The following ZNF701 variants were observed in gnomAD, a reference collection of about 807,000 sequenced individuals.
The protein encoded by ZNF701 is zinc finger protein 701.
A neutral mutation model predicts 7.1 loss-of-function variants in ZNF701; 6 were observed. That is an observed-to-expected ratio of 0.84 (90% confidence interval 0.46 to 1.66). ZNF701 has a LOEUF of 1.66. ZNF701 is among the 40% of genes most tolerant of loss of function. The pLI is 0.01. For missense variants in ZNF701, 541 were observed against 559.2 expected, an observed-to-expected ratio of 0.97 and a Z score of 0.33; for synonymous variants, 166 against 188.2, an observed-to-expected ratio of 0.88 and a Z score of 0.97.
At position 52,579,594 on chromosome 19, in the gene ZNF701, C is replaced by T. The variant is rs1309080140; in HGVS notation, c.143-2608C>T. Among the ~76,000 whole-genome samples the T allele has an allele frequency of 5.7e-5, 8 of 140,818 alleles. 1 individual carries two copies. Among genetic ancestry groups the T allele is most frequent in the Non-Finnish European group, 1.0e-4 (7 of 67,518 alleles). The allele number at this position is 140,818 out of a possible 152,430, so 92.4% of individuals were successfully genotyped here. A position where few individuals can be genotyped will look rare whatever the true frequency, so the allele number is the denominator to read the frequency against. ...GAAACCTAAAATTTTCATAACCTGG[C>T]CAGGTGTAGTGGCTCATGCCTATAA... On this transcript the variant is annotated intron_variant, in intron 3 of 3. Transcript: ENST00000391785.
At chr19:52,593,546 C>A in the ZNF701 span, among the ~76,000 whole-genome samples, 4 of 112,872 alleles carry the variant, frequency 3.5e-5, 2 homozygotes, top group Non-Finnish European at 7.7e-5. Flanking sequence ...CTGACCCCCC[C>A]ACCTCCCTCC....
intron 1 of ZNF701, chr19:52,570,680 G>C (rs137916842): frequency 6.6e-6 from 1 of 152,330 alleles, no homozygotes; most frequent in East Asian, 1.9e-4. Context: ...ACCTTTAGGC[G>C]CCTGAAGCGC....
chr19:52,586,151 C>G lies in ZNF701; in HGVS notation c.*2694C>G, dbSNP rs1425432573. ...CAACCTCCTGGGCTCAAGGGATCCTCCCACCTCAGCCTGCAGAGTAGCTGG... is the reference window on the plus strand; with the variant it reads ...CAACCTCCTGGGCTCAAGGGATCCTGCCACCTCAGCCTGCAGAGTAGCTGG... On this transcript the variant is annotated 3_prime_UTR_variant, in exon 4 of 4. Coordinates refer to ENST00000391785, the MANE Select transcript of ZNF701 (RefSeq NM_018260.3). 1 of 152,304 alleles carries G rather than the reference C, an allele frequency of 6.6e-6. No homozygotes were observed. The highest frequency in any genetic ancestry group is 2.1e-4 in the South Asian group (1 of 4,812). 9.4% of individuals were successfully genotyped at this position (152,304 alleles called of 1,614,324 possible). A position where few individuals can be genotyped will look rare whatever the true frequency, so the allele number is the denominator to read the frequency against.
intron 1 of ZNF701, chr19:52,570,982 A>C (rs1352905225): frequency 6.6e-6 from 1 of 152,470 alleles, no homozygotes. Context: ...GTGTGGGCTA[A>C]AGAGATCAGG....
At position 52,585,266 on chromosome 19, in the gene ZNF701, C is replaced by T. The variant is rs1011970568; in HGVS notation, c.*1809C>T. 6.8e-6 allele frequency: 1 copy of T among 147,112 alleles called. No homozygotes were observed. The highest frequency in any genetic ancestry group is 2.7e-5 in the African/African-American group (1 of 37,396). The allele number at this position is 147,112 out of a possible 1,614,324, so 9.1% of individuals were successfully genotyped here. On this transcript the variant is annotated 3_prime_UTR_variant, in exon 4 of 4. Transcript: ENST00000391785. The stretch of plus-strand genomic sequence containing the variant: ...TCCTCACCAGCGAGTTGGACTCTCG[C>T]CCTGGGCTCCTCATCGGCGCCTGGA...
rs1386731611 is a variant in ZNF701, at chr19:52,583,957, C to T, written c.*500C>T. ...GATCTTATACAGGAGAGAAATCTTA[C>T]AAATGTGATGATTGTGGCAAGGTCT... is the stretch of plus-strand genomic sequence containing the variant. On this transcript the variant is annotated 3_prime_UTR_variant, in exon 4 of 4. Coordinates refer to ENST00000391785, the MANE Select transcript of ZNF701 (RefSeq NM_018260.3). 7.4e-6 allele frequency: 3 copies of T among 405,510 alleles called. No individual in the cohort carries two copies. Among genetic ancestry groups the T allele is most frequent in the African/African-American group, 2.1e-5 (1 of 48,258 alleles). The allele number at this position is 405,510 out of a possible 1,614,324, so 25.1% of individuals were successfully genotyped here.
At position 52,583,061 on chromosome 19, in the gene ZNF701, T is replaced by A. The variant is rs2059987171; in HGVS notation, c.1002T>A (p.Val334=). ...KPYKCEECDK[V]FSRKSHLERH... ...ACAAATGTGAAGAATGTGACAAAGTTTTCAGTCGCAAATCACACCTTGAAA... is the reference window on the plus strand; with the variant it reads ...ACAAATGTGAAGAATGTGACAAAGTATTCAGTCGCAAATCACACCTTGAAA... The change falls in exon 4 of 4, where the codon GTT becomes GTA. Residue 334 remains valine (V), a synonymous_variant. Transcript: ENST00000391785. 6.2e-7 allele frequency: 1 copy of A among 1,613,536 alleles called. No homozygotes were observed.
At chr19:52,592,621 A>G in the ZNF701 span, among the ~76,000 whole-genome samples, 1 of 152,210 alleles carries the variant, frequency 6.6e-6, no homozygotes, top group Non-Finnish European at 1.5e-5. Context: ...TTTATGAGAC[A>G]GAGTGTTGAA....
intron 3 of ZNF701, among the ~76,000 whole-genome samples, chr19:52,577,009 G>A (rs1024501452): frequency 6.6e-6 from 1 of 152,134 alleles, no homozygotes; most frequent in African/African-American, 2.4e-5. Flanking sequence ...TCTGCAAGTG[G>A]GAGAATTCTG....
At chr19:52,579,045 CGTGCCCA>C (rs1568503473) in intron 3 of ZNF701, among the ~76,000 whole-genome samples, 4 of 144,022 alleles carry the variant, frequency 2.8e-5, no homozygotes, top group Admixed American at 6.7e-5. Context: ...CGCGCCCCGC[CGTGCCCA>C]TTTCTTTCAG....
chr19:52,570,969 A>T (rs1003579974), intron 1 of ZNF701: 2 of 151,052 alleles, frequency 1.3e-5, no homozygotes, highest in African/African-American at 4.9e-5. Flanking sequence ...CCCTCCTGTG[A>T]TTGTGTGGGC....
At chr19:52,587,604 T>C (rs776373414), downstream of ZNF701, among the ~76,000 whole-genome samples, 1 of 152,244 alleles carries the variant, frequency 6.6e-6, no homozygotes, top group Non-Finnish European at 1.5e-5. Context: ...TGTTGCCTGT[T>C]CTGTGTGATT....
At chr19:52,597,509 C>A in the ZNF701 span, 1,141 of 376,086 alleles carry the variant, frequency 3.0e-3, 4 homozygotes, top group Non-Finnish European at 3.7e-3. Flanking sequence ...GTTGACTTAA[C>A]CTTGAGTTTA....
intron 3 of ZNF701, among the ~76,000 whole-genome samples, chr19:52,581,219 T>C (rs913938659): frequency 2.0e-5 from 3 of 152,118 alleles, no homozygotes; most frequent in Non-Finnish European, 2.9e-5. Context: ...AAAAATACGG[T>C]GTTAACATTT....
At chr19:52,592,378 T>C in the ZNF701 span, 20 of 929,454 alleles carry the variant, frequency 2.2e-5, no homozygotes, top group Non-Finnish European at 3.2e-5. Flanking sequence ...ATATTTGTCA[T>C]GGACAGCTTC....
chr19:52,599,471 A>G, the ZNF701 span, among the ~76,000 whole-genome samples: 1 of 152,184 alleles, frequency 6.6e-6, no homozygotes, highest in Admixed American at 6.6e-5. Context: ...GTAATTAAGA[A>G]GACTAAGTAG....
downstream of ZNF701, among the ~76,000 whole-genome samples, chr19:52,590,107 G>GT (rs5828512): frequency 0.24 from 32,483 of 137,184 alleles, 4,054 homozygotes; most frequent in African/African-American, 0.3. Flanking sequence ...TTTTTTTATT[G>GT]TTTTTTTTTT....
the ZNF701 span, chr19:52,596,475 C>G: frequency 2.0e-5 from 9 of 440,992 alleles, no homozygotes; most frequent in Non-Finnish European, 4.1e-5. Flanking sequence ...TGTGACAAGG[C>G]TTTCTGGGAT....
the ZNF701 span, chr19:52,596,333 T>G: frequency 2.0e-5 from 8 of 402,796 alleles, no homozygotes; most frequent in East Asian, 5.2e-4. Flanking sequence ...ATCCCTTCAG[T>G]GTCATCATAG....
Sources: gnomAD v4.1 joint callset for allele counts (sites outside exome capture counted in the v4.1 genomes callset) on GRCh38, gnomAD v4.1.1 for gene constraint, MANE v1.5 for transcripts, NCBI Gene and HGNC (gene_info 2026-07-23, HGNC 2026-07-21) for gene names.